The following FBN1 variants were observed in gnomAD, a reference collection of about 807,000 sequenced individuals.
FBN1 encodes fibrillin 1, also known as fibrillin-1.
A neutral mutation model predicts 365.1 loss-of-function variants in FBN1; 29 were observed. The ratio of observed to expected loss-of-function variants is 0.08; its 90% CI spans 0.06 to 0.11. The LOEUF is 0.11. FBN1 is among the 10% of genes least tolerant of loss of function. FBN1 has a pLI of 1.00. For synonymous variants in FBN1, 1,210 were observed against 1,270.5 expected (o/e 0.95, Z 1.01); for missense variants, 2,476 against 3,703.2 (o/e 0.67, Z 8.60).
intron 2 of FBN1, among the ~76,000 whole-genome samples, chr15:48,634,246 T>C (rs181519361): frequency 1.3e-5 from 2 of 152,340 alleles, no homozygotes; most frequent in African/African-American, 4.8e-5. Flanking sequence ...TAGTACCATA[T>C]ACACAGGTGC....
intron 38 of FBN1, among the ~76,000 whole-genome samples, 199 bp from the exon 39 acceptor site, chr15:48,466,057 T>G (rs2043319407): frequency 6.6e-6 from 1 of 152,234 alleles, no homozygotes; most frequent in African/African-American, 2.4e-5. Flanking sequence ...GTGTCCCCAG[T>G]GCAAGGCCAC....
chr15:48,616,282 A>T (rs1889650422), intron 2 of FBN1, among the ~76,000 whole-genome samples: 1 of 152,236 alleles, frequency 6.6e-6, no homozygotes, highest in South Asian at 2.1e-4. Context: ...CAATACCTTC[A>T]AATGACAATG....
chr15:48,555,414 T>G (rs1308097102), intron 6 of FBN1, among the ~76,000 whole-genome samples: 1 of 152,202 alleles, frequency 6.6e-6, no homozygotes, highest in Non-Finnish European at 1.5e-5. Flanking sequence ...TCTGGTTGTC[T>G]CGCCCTTGAC....
rs2043526375 is a variant in FBN1 at position 48,488,247 on chromosome 15, CA to C, written c.3209-7del. 1 of 1,614,196 alleles carries C rather than the reference CA, an allele frequency of 6.2e-7. No homozygotes were observed. The highest frequency in any genetic ancestry group is 8.5e-7 in the Non-Finnish European group (1 of 1,180,030). On this transcript the variant is annotated splice_region_variant and splice_polypyrimidine_tract_variant and intron_variant, in intron 26 of 65. Transcript: ENST00000316623. Reference sequence around the variant, plus strand: ...TATGCGGCATTCGTCAATGTCTGCACAAAAACAGCAAGTGGCAGCAAATGAG... The same window carrying C: ...TATGCGGCATTCGTCAATGTCTGCACAAAACAGCAAGTGGCAGCAAATGAG...
At chr15:48,509,767 T>C (rs1377491687) in intron 14 of FBN1, among the ~76,000 whole-genome samples, 1 of 151,986 alleles carries the variant, frequency 6.6e-6, no homozygotes, top group African/African-American at 2.4e-5. Context: ...AAATTCTGAT[T>C]GTAAAAAATT....
rs3074870 is a variant in FBN1 at position 48,435,666 on chromosome 15, A to ATGTGTGTGTGTGTG, written c.6497-967_6497-954dup. ...ACAAATCTTTGACCAGAGACCTAAA[A>ATGTGTGTGTGTGTG]TGTGTGTGTGTGTGTGTGTGTGTGC... On this transcript the variant is annotated intron_variant, in intron 53 of 65. Transcript: ENST00000316623. 4.3e-3 allele frequency among the ~76,000 whole-genome samples: 628 copies of ATGTGTGTGTGTGTG among 145,610 alleles called. 4 individuals are homozygous for ATGTGTGTGTGTGTG. Among genetic ancestry groups the ATGTGTGTGTGTGTG allele is most frequent in the African/African-American group, 0.015 (597 of 39,542 alleles).
chr15:48,448,960 G>T, intron 45 of FBN1, 67 bp from the exon 46 acceptor site: 2 of 1,338,898 alleles, frequency 1.5e-6, no homozygotes, highest in Non-Finnish European at 1.1e-6. Context: ...CTTACTTCTA[G>T]CTATCATTCT....
intron 2 of FBN1, among the ~76,000 whole-genome samples, chr15:48,628,134 C>T (rs1736728235): frequency 1.3e-5 from 2 of 152,270 alleles, no homozygotes; most frequent in South Asian, 4.2e-4. Context: ...ATGTGCCTGG[C>T]ACACATGCAC....
intron 7 of FBN1, among the ~76,000 whole-genome samples, chr15:48,535,590 A>T (rs1487746780): frequency 3.3e-5 from 5 of 152,248 alleles, no homozygotes. Context: ...TGGAAGCTTA[A>T]TGTGCTCTTT....
chr15:48,607,170 G>A (rs1348459356), intron 4 of FBN1, among the ~76,000 whole-genome samples: 1 of 152,012 alleles, frequency 6.6e-6, no homozygotes, highest in East Asian at 1.9e-4. Flanking sequence ...AGAATATGAA[G>A]TTTAATTTTT....
At chr15:48,547,297 C>T (rs768690433) in intron 6 of FBN1, among the ~76,000 whole-genome samples, 1 of 152,172 alleles carries the variant, frequency 6.6e-6, no homozygotes, top group Non-Finnish European at 1.5e-5. Flanking sequence ...GAAGTACCCA[C>T]GGCCCAGACC....
chr15:48,497,753 T>C (rs2043620458), intron 18 of FBN1, among the ~76,000 whole-genome samples: 1 of 152,150 alleles, frequency 6.6e-6, no homozygotes, highest in Non-Finnish European at 1.5e-5. Flanking sequence ...CCAGCCCCTC[T>C]TTCTTCCATC....
At chr15:48,474,007 T>C (rs968488365) in intron 34 of FBN1, among the ~76,000 whole-genome samples, 5 of 152,192 alleles carry the variant, frequency 3.3e-5, no homozygotes, top group Admixed American at 1.3e-4. Context: ...CTGTAAATGA[T>C]GTGATAATGG....
In FBN1 at chr15:48,415,742, G is replaced by A. The variant is rs2141215048; in HGVS notation, c.7845C>T (p.His2615=). Residue 2615 remains histidine (H), a synonymous_variant, in exon 64 of 66, where the codon CAC becomes CAT. Coordinates refer to ENST00000316623, the MANE Select transcript of FBN1 (RefSeq NM_000138.5). ...CVDENECLSA[H]ICGGASCHNT... ...TGTGACAGGAGGCTCCTCCGCAGAT[G>A]TGAGCGCTGAGGCATTCGTTTTCAT... is the stretch of plus-strand genomic sequence containing the variant. The A allele has an allele frequency of 6.2e-7, 1 of 1,614,222 alleles. No individual in the cohort carries two copies. Among genetic ancestry groups the A allele is most frequent in the East Asian group, 2.2e-5 (1 of 44,888 alleles).
intron 9 of FBN1, among the ~76,000 whole-genome samples, chr15:48,524,945 A>C (rs1181621478): frequency 1.3e-5 from 2 of 152,212 alleles, no homozygotes; most frequent in Admixed American, 1.3e-4. Flanking sequence ...CTGATATGTA[A>C]ATATGTCTTA....
At chr15:48,627,564 G>A (rs542891501) in intron 2 of FBN1, among the ~76,000 whole-genome samples, 56 of 152,286 alleles carry the variant, frequency 3.7e-4, no homozygotes, top group Non-Finnish European at 5.4e-4. Context: ...ATCAGGACAC[G>A]CAGGCAACTG....
rs1281410164 is a variant in FBN1, at chr15:48,411,014, C to T, written c.8592G>A (p.Met2864Ile). Residue 2864 changes from methionine (M) to isoleucine (I), a missense_variant, in exon 66 of 66, where the codon ATG becomes ATA. Transcript: ENST00000316623. Reference protein sequence around the residue: ...LSGELGDNLKMKIQVLLH With the variant: ...LSGELGDNLKIKIQVLLH ...ATTAATGAAGCAAAACCTGGATTTT[C>T]ATCTTCAGATTATCACCCAGTTCAC... 2.5e-6 allele frequency: 4 copies of T among 1,613,708 alleles called. No homozygotes were observed. Among genetic ancestry groups the T allele is most frequent in the Admixed American group, 1.7e-5 (1 of 60,012 alleles).
chr15:48,492,388 T>C (rs1290209661), intron 24 of FBN1, 73 bp downstream of exon 24: 3 of 1,484,772 alleles, frequency 2.0e-6, no homozygotes, highest in East Asian at 2.4e-5. Context: ...AGTGCTCAGC[T>C]ATATCTTGTT....
intron 44 of FBN1, among the ~76,000 whole-genome samples, chr15:48,453,083 C>G (rs1273632085): frequency 6.6e-6 from 1 of 151,828 alleles, no homozygotes; most frequent in African/African-American, 2.4e-5. Context: ...ATGGTGAAAC[C>G]CCGTCTCTAC....
Sources: allele counts gnomAD v4.1 joint callset (sites outside exome capture counted in the v4.1 genomes callset), GRCh38; gene constraint gnomAD v4.1.1; transcripts MANE v1.5; gene names NCBI Gene and HGNC (gene_info 2026-07-23, HGNC 2026-07-21).